Variants in APBB2 observed in about 807,000 individuals in gnomAD.
APBB2 encodes amyloid beta precursor protein binding family B member 2.
Under a neutral mutation model 82.5 loss-of-function variants are expected in APBB2, and 38 were observed. That is an observed-to-expected ratio of 0.46 (90% confidence interval 0.36 to 0.60). APBB2 has a LOEUF of 0.60. Among genes scored for constraint, APBB2 ranks in the 20% least tolerant of loss-of-function variants. APBB2 has a pLI of 0.00. For synonymous variants in APBB2, 341 were observed against 368.2 expected, an observed-to-expected ratio of 0.93 and a Z score of 0.85; for missense variants, 772 against 972.3, an observed-to-expected ratio of 0.79 and a Z score of 2.74.
At chr4:41,057,913 A>G (rs1383844493) in intron 4 of APBB2, among the ~76,000 whole-genome samples, 2 of 152,108 alleles carry the variant, frequency 1.3e-5, no homozygotes, top group Admixed American at 1.3e-4. Context: ...TGAGGACAAC[A>G]CATTCTTCTC....
chr4:41,179,953 C>T (rs1421758187), intron 1 of APBB2, among the ~76,000 whole-genome samples: 1 of 152,236 alleles, frequency 6.6e-6, no homozygotes, highest in Non-Finnish European at 1.5e-5. Context: ...TACTTGATAA[C>T]GTGTTAACTC....
chr4:40,969,682 C>T (rs999151905), intron 6 of APBB2, among the ~76,000 whole-genome samples: 2 of 152,116 alleles, frequency 1.3e-5, no homozygotes, highest in African/African-American at 4.8e-5. Context: ...TTCCTCCCAG[C>T]GTGTAACTGT....
intron 17 of APBB2, among the ~76,000 whole-genome samples, chr4:40,820,407 G>A (rs1044939407): frequency 4.6e-5 from 7 of 152,156 alleles, no homozygotes; most frequent in African/African-American, 1.7e-4. Context: ...GCTCATGCCG[G>A]TAATCCCAGC....
chr4:41,086,340 G>A (rs1029230361), intron 3 of APBB2, among the ~76,000 whole-genome samples: 36 of 151,976 alleles, frequency 2.4e-4, no homozygotes, highest in African/African-American at 8.7e-4. Context: ...TGATACCAAA[G>A]AAAAACAATT....
intron 13 of APBB2, among the ~76,000 whole-genome samples, chr4:40,827,716 G>T (rs1307523842): frequency 6.6e-6 from 1 of 152,184 alleles, no homozygotes; most frequent in Non-Finnish European, 1.5e-5. Flanking sequence ...ACACGGAGGT[G>T]GTTAACAGTA....
chr4:40,883,291 C>G (rs553507267), intron 12 of APBB2, among the ~76,000 whole-genome samples: 1 of 152,238 alleles, frequency 6.6e-6, no homozygotes, highest in East Asian at 1.9e-4. Context: ...TCACTGCACT[C>G]TAGCCTGGGT....
intron 3 of APBB2, among the ~76,000 whole-genome samples, chr4:41,072,415 G>A (rs1408348723): frequency 1.3e-5 from 2 of 152,114 alleles, no homozygotes; most frequent in African/African-American, 4.8e-5. Flanking sequence ...CCTCTCCTTT[G>A]TCCTAAAGAG....
chr4:41,211,113 G>A (rs187714084), intron 1 of APBB2, among the ~76,000 whole-genome samples: 68 of 152,164 alleles, frequency 4.5e-4, no homozygotes, highest in Non-Finnish European at 7.9e-4. Context: ...AAATTAGCCA[G>A]GCGTGGTGGC....
chr4:40,990,610 G>A (rs927809038), intron 6 of APBB2, among the ~76,000 whole-genome samples: 1 of 152,126 alleles, frequency 6.6e-6, no homozygotes, highest in African/African-American at 2.4e-5. Context: ...GCTTCTTGAT[G>A]GAGTTGTGGC....
At chr4:40,876,369 C>T (rs1200852708) in intron 12 of APBB2, among the ~76,000 whole-genome samples, 1 of 152,166 alleles carries the variant, frequency 6.6e-6, no homozygotes, top group African/African-American at 2.4e-5. Flanking sequence ...GCCTTCTGTC[C>T]TTTCCCAGGT....
intron 10 of APBB2, among the ~76,000 whole-genome samples, chr4:40,933,927 T>TGTTA (rs1784805818): frequency 6.6e-6 from 1 of 152,256 alleles, no homozygotes; most frequent in Admixed American, 6.5e-5. Flanking sequence ...AAGCTGGCTC[T>TGTTA]GTTAGCAACC....
At chr4:41,196,497 A>C in intron 1 of APBB2, among the ~76,000 whole-genome samples, 1 of 152,008 alleles carries the variant, frequency 6.6e-6, no homozygotes, top group African/African-American at 2.4e-5. Flanking sequence ...TTTTGTCTGG[A>C]ACTTTCCAAA....
In APBB2 at chr4:41,013,571, C is replaced by T; in HGVS notation, c.835+12G>A. 5 of 1,611,056 alleles carry T rather than the reference C, an allele frequency of 3.1e-6. No individual in the cohort carries two copies. Among genetic ancestry groups the T allele is most frequent in the Non-Finnish European group, 4.2e-6 (5 of 1,177,658 alleles). On this transcript the variant is annotated intron_variant, in intron 6 of 17. Coordinates refer to ENST00000508593, the MANE Select transcript of APBB2 (RefSeq NM_004307.2). The stretch of plus-strand genomic sequence containing the variant: ...AAAGTGCCAGCTGAGGCTACGCCTT[C>T]CCCAGGGGTACCTGTTTCATCCGGG...
At chr4:40,874,957 G>C (rs1204156001) in intron 12 of APBB2, among the ~76,000 whole-genome samples, 1 of 152,000 alleles carries the variant, frequency 6.6e-6, no homozygotes, top group Non-Finnish European at 1.5e-5. Flanking sequence ...GAGTAGTAAA[G>C]AAAAAAAATC....
chr4:40,945,093 G>T lies in APBB2; in HGVS notation c.836-20C>A. On this transcript the variant is annotated intron_variant, in intron 6 of 17. Transcript: ENST00000508593. ...TATCTGCTGAAAAATTGGGGGGCGG[G>T]GCGGGGGGAGAAAGAGAGAATTTTA... 9.5e-7 allele frequency: 1 copy of T among 1,052,628 alleles called. No individual in the cohort carries two copies. The highest frequency in any genetic ancestry group is 1.4e-6 in the Non-Finnish European group (1 of 720,632). The allele number at this position is 1,052,628 out of a possible 1,614,324, so 65.2% of individuals were successfully genotyped here.
chr4:41,198,952 T>C lies in APBB2; in HGVS notation c.-417+15453A>G, dbSNP rs150025152. 2.2e-3 allele frequency among the ~76,000 whole-genome samples: 332 copies of C among 152,282 alleles called. 1 individual carries two copies. The highest frequency in any genetic ancestry group is 7.4e-3 in the African/African-American group (309 of 41,548). On this transcript the variant is annotated intron_variant, in intron 1 of 17. Coordinates refer to ENST00000508593, the MANE Select transcript of APBB2 (RefSeq NM_004307.2). ...GTGTGTCTGTGTCCAAATTTCCCTCTTCTTCTAAAGCTTAAAGCAAGCCAG... is the reference window on the plus strand; with the variant it reads ...GTGTGTCTGTGTCCAAATTTCCCTCCTCTTCTAAAGCTTAAAGCAAGCCAG...
intron 1 of APBB2, among the ~76,000 whole-genome samples, chr4:41,162,937 G>C (rs1239719062): frequency 6.6e-6 from 1 of 152,180 alleles, no homozygotes; most frequent in Non-Finnish European, 1.5e-5. Context: ...AAGGTGTGTG[G>C]AATAACAAGG....
Position 40,826,242 on chromosome 4 carries a change from A to C in APBB2, c.1733-272T>G. ...AAAGCTGCTACTGTCTCTTTGATGT[A>C]TATTAAGTAAAGTAGCAGCTTTTGG... On this transcript the variant is annotated intron_variant, in intron 14 of 17. Coordinates refer to ENST00000508593, the MANE Select transcript of APBB2 (RefSeq NM_004307.2). This position sits in a 1 kb window ranked among gnomAD's most constrained non-coding sequence, Gnocchi z 4.5. 2.4e-6 allele frequency: 1 copy of C among 410,248 alleles called. No homozygotes were observed. Among genetic ancestry groups the C allele is most frequent in the Non-Finnish European group, 4.5e-6 (1 of 222,832 alleles). 25.4% of individuals were successfully genotyped at this position (410,248 alleles called of 1,614,324 possible).
At chr4:40,853,317 G>A (rs934096202) in intron 12 of APBB2, among the ~76,000 whole-genome samples, 9 of 151,952 alleles carry the variant, frequency 5.9e-5, no homozygotes, top group African/African-American at 2.2e-4. Flanking sequence ...CCCTCTTCAC[G>A]GGCACCTCAT....
Sources: gnomAD v4.1 joint callset for allele counts (sites outside exome capture counted in the v4.1 genomes callset) on GRCh38, gnomAD v4.1.1 for gene constraint, Gnocchi (gnomAD v3.1) non-coding constraint, MANE v1.5 for transcripts, NCBI Gene and HGNC (gene_info 2026-07-23, HGNC 2026-07-21) for gene names.